The following EP400 variants were observed in gnomAD, a reference collection of about 807,000 sequenced individuals.
EP400 encodes the protein E1A-binding protein p400.
A neutral mutation model predicts 354.1 loss-of-function variants in EP400; 105 were observed. The observed-to-expected ratio is 0.30, with a 90% CI of 0.25 to 0.35. The LOEUF is 0.35. Among genes scored for constraint, EP400 ranks in the 10% least tolerant of loss-of-function variants. The pLI, the probability that EP400 is intolerant of heterozygous loss-of-function variation, is 1.00. For synonymous variants in EP400, 1,646 were observed against 1,716.9 expected (o/e 0.96, Z 1.02); for missense variants, 3,280 against 4,121.0 (o/e 0.80, Z 5.59).
At chr12:131,974,050 C>A (rs1892385882) in intron 2 of EP400, among the ~76,000 whole-genome samples, 1 of 150,358 alleles carries the variant, frequency 6.7e-6, no homozygotes, top group African/African-American at 2.5e-5. Context: ...ACGATCTCAG[C>A]TCACCACAAC....
In EP400 at chr12:131,994,938, T is replaced by G. The variant is rs758337723; in HGVS notation, c.2809T>G (p.Ser937Ala). Reference sequence around the variant, plus strand: ...CGTTGTGGACCACCAAACAGAACTTTCTAATTTAGCCAAGGAAGGTAGGCT... The same window carrying G: ...CGTTGTGGACCACCAAACAGAACTTGCTAATTTAGCCAAGGAAGGTAGGCT... ...EGVVDHQTEL[S>A]NLAKEAELPL... The change falls in exon 12 of 53, where the codon TCT becomes GCT. Residue 937 changes from serine to alanine, a missense_variant. Physicochemically the swap from Ser to Ala is moderately conservative, Grantham distance 99 (BLOSUM62 1). Coordinates refer to ENST00000389561, the MANE Select transcript of EP400 (RefSeq NM_015409.5). The surrounding 1 kb of genome is among the most constrained non-coding windows in gnomAD (Gnocchi z 4.6). 6.2e-7 allele frequency: 1 copy of G among 1,614,032 alleles called. No individual in the cohort carries two copies. Among genetic ancestry groups the G allele is most frequent in the Admixed American group, 1.7e-5 (1 of 60,020 alleles).
rs773770259 is a variant in EP400 at position 132,055,121 on chromosome 12, C to T, written c.7797C>T (p.Ile2599=). The T allele has an allele frequency of 5.6e-6, 9 of 1,613,160 alleles. No homozygotes were observed. Among genetic ancestry groups the T allele is most frequent in the African/African-American group, 2.7e-5 (2 of 74,812 alleles). ...CAGGTGCCGTGAGTGGAAATGTGATCGTGAACACCATCGCAGGGGTCCCAG... is the reference window on the plus strand; with the variant it reads ...CAGGTGCCGTGAGTGGAAATGTGATTGTGAACACCATCGCAGGGGTCCCAG... The part of the protein sequence containing the change: ...MPTGAVSGNV[I]VNTIAGVPAA... The change falls in exon 45 of 53, where the codon ATC becomes ATT. Residue 2599 remains isoleucine (I), a synonymous_variant. Coordinates refer to ENST00000389561, the MANE Select transcript of EP400 (RefSeq NM_015409.5).
At chr12:132,020,283 C>CT in intron 22 of EP400, 65 bp downstream of exon 22, 1 of 1,490,084 alleles carries the variant, frequency 6.7e-7, no homozygotes, top group African/African-American at 1.4e-5. Flanking sequence ...GTTCATGGCA[C>CT]TTTCTTCTCG....
At chr12:132,048,819 G>T (rs1326232408) in intron 39 of EP400, among the ~76,000 whole-genome samples, 2 of 152,136 alleles carry the variant, frequency 1.3e-5, no homozygotes, top group East Asian at 1.9e-4. Flanking sequence ...CAAAGTGTTG[G>T]GATTACAGGC....
chr12:131,958,284 C>T (rs1046848853), intron 1 of EP400, among the ~76,000 whole-genome samples: 1 of 152,092 alleles, frequency 6.6e-6, no homozygotes, highest in Non-Finnish European at 1.5e-5. Context: ...GGGCTCTCTG[C>T]CGGGTGGTGG....
chr12:132,021,599 C>T (rs1231850097), intron 23 of EP400, among the ~76,000 whole-genome samples: 1 of 152,246 alleles, frequency 6.6e-6, no homozygotes, highest in Non-Finnish European at 1.5e-5. Flanking sequence ...TGCTTTGGTG[C>T]TGTGGACGGC....
rs967119097 is a variant in EP400 at position 132,054,094 on chromosome 12, C to T, written c.7728+497C>T. 2.6e-5 allele frequency among the ~76,000 whole-genome samples: 4 copies of T among 152,154 alleles called. No individual in the cohort carries two copies. The highest frequency in any genetic ancestry group is 5.9e-5 in the Non-Finnish European group (4 of 68,024). Reference sequence around the variant, plus strand: ...AAAAGAAAGGCAGGGTGCGGAGCTGCGGACTGTGGCCATGCACACCACGCT... The same window carrying T: ...AAAAGAAAGGCAGGGTGCGGAGCTGTGGACTGTGGCCATGCACACCACGCT... On this transcript the variant is annotated intron_variant, in intron 43 of 52. Transcript: ENST00000389561. The surrounding 1 kb of genome is among the most constrained non-coding windows in gnomAD (Gnocchi z 4.0).
At chr12:132,007,009 T>C (rs895152654) in intron 15 of EP400, 132 bp downstream of exon 15, 4 of 939,324 alleles carry the variant, frequency 4.3e-6, no homozygotes, top group East Asian at 5.4e-5. Flanking sequence ...CCTGAGCAAA[T>C]TGAGGCTCAG....
At position 132,079,546 on chromosome 12, in the gene EP400, C is replaced by G. The variant is rs1163855622; in HGVS notation, c.*1873C>G. On this transcript the variant is annotated 3_prime_UTR_variant, in exon 53 of 53. Transcript: ENST00000389561. ...CCCTGTTCATTTTTTTTGTCTTTCC[C>G]AAATCTTGGTAGTCTCCTTATAGTT... 1 of 152,186 alleles carries G rather than the reference C, an allele frequency of 6.6e-6. No individual in the cohort carries two copies. The highest frequency in any genetic ancestry group is 1.9e-4 in the East Asian group (1 of 5,202). The allele number at this position is 152,186 out of a possible 1,614,324, so 9.4% of individuals were successfully genotyped here.
chr12:132,016,685 G>A (rs1893945729), intron 19 of EP400, among the ~76,000 whole-genome samples: 1 of 152,150 alleles, frequency 6.6e-6, no homozygotes, highest in African/African-American at 2.4e-5. Flanking sequence ...GTTGGGTTCT[G>A]TGGTGCGTAC....
intron 30 of EP400, among the ~76,000 whole-genome samples, chr12:132,033,392 G>C (rs765551926): frequency 1.3e-5 from 2 of 152,124 alleles, no homozygotes; most frequent in Admixed American, 6.5e-5. Context: ...TTTTATGCCT[G>C]GTTGTGTGCC....
chr12:131,992,012 C>T (rs939643977), intron 10 of EP400, among the ~76,000 whole-genome samples, 161 bp from the exon 11 acceptor site: 9 of 152,194 alleles, frequency 5.9e-5, no homozygotes, highest in East Asian at 3.9e-4. Context: ...ATCATGTCCT[C>T]GCTCCCCCGC....
intron 23 of EP400, 49 bp downstream of exon 23, chr12:132,021,370 G>A: frequency 6.8e-7 from 1 of 1,462,362 alleles, no homozygotes. Flanking sequence ...TACCCCAGAG[G>A]AGTTGTGTTA....
At position 132,020,119 on chromosome 12, in the gene EP400, C is replaced by T; in HGVS notation, c.4348C>T (p.Pro1450Ser). ...CGTGGCTTTCCCCAGCACTCACCCG[C>T]CCCGGACGGCAGCCCCCACCACGGC... ...RTVAFPSTHP[P>S]RTAAPTTASA... Residue 1450 changes from proline (P) to serine (S), a missense_variant, in exon 22 of 53, where the codon CCC (proline) becomes TCC (serine). Pro to Ser is a moderately conservative substitution (Grantham distance 74). Transcript: ENST00000389561. 6.2e-7 allele frequency: 1 copy of T among 1,611,232 alleles called. No homozygotes were observed. Among genetic ancestry groups the T allele is most frequent in the Non-Finnish European group, 8.5e-7 (1 of 1,178,920 alleles).
At chr12:132,073,919 GTTTTTTTTTTTTTTTTT>G (rs34186152) in intron 51 of EP400, among the ~76,000 whole-genome samples, 33 of 82,124 alleles carry the variant, frequency 4.0e-4, no homozygotes, top group Admixed American at 2.7e-4. Flanking sequence ...GTTTTTTGGG[GTTTTTTTTTTTTTTTTT>G]TTTTTTTTTT....
intron 2 of EP400, among the ~76,000 whole-genome samples, chr12:131,976,029 T>A (rs1398710462): frequency 1.3e-5 from 2 of 152,216 alleles, no homozygotes; most frequent in Admixed American, 1.3e-4. Flanking sequence ...ACACTGATGT[T>A]ACGCCTATCC....
rs768747214 is a variant in EP400 at position 132,066,830 on chromosome 12, C to G, written c.8610C>G (p.Pro2870=). ...AAGGGCAGATGCAGACCCAGGCACC[C>G]CAGCCAGCCCAGGTGGCCTTGGCGA... ...QAQGQMQTQA[P]QPAQVALAKP... The change falls in exon 49 of 53, where the codon CCC becomes CCG. Residue 2870 remains proline (P), a synonymous_variant. Coordinates refer to ENST00000389561, the MANE Select transcript of EP400 (RefSeq NM_015409.5). 1.2e-5 allele frequency: 19 copies of G among 1,613,902 alleles called. No individual in the cohort carries two copies. The highest frequency in any genetic ancestry group is 1.6e-5 in the Non-Finnish European group (19 of 1,179,976).
Position 132,044,264 on chromosome 12 carries a change from G to A in EP400, c.6538G>A (p.Glu2180Lys), listed in dbSNP as rs1234659324. ...GGAGGCCCGGCTGCGGCTGGAGCAG[G>A]AGGAGGCGGAGCTCCTGACCTACAC... is the stretch of plus-strand genomic sequence containing the variant. ...EREARLRLEQ[E>K]EAELLTYTRE... The change falls in exon 35 of 53, where the codon GAG becomes AAG. Residue 2180 changes from glutamate to lysine, a missense_variant. Physicochemically the swap from Glu to Lys is moderately conservative, Grantham distance 56 (BLOSUM62 1). Around this residue, in one of 20 missense-constraint regions of EP400, gnomAD observed 231 missense variants for 257.9 expected, o/e 0.90. Coordinates refer to ENST00000389561, the MANE Select transcript of EP400 (RefSeq NM_015409.5). The A allele has an allele frequency of 9.9e-6, 16 of 1,614,124 alleles. No individual in the cohort carries two copies. The highest frequency in any genetic ancestry group is 1.4e-5 in the Non-Finnish European group (16 of 1,180,036).
intron 5 of EP400, among the ~76,000 whole-genome samples, chr12:131,985,438 G>A (rs751682017): frequency 1.3e-5 from 2 of 151,990 alleles, no homozygotes; most frequent in Admixed American, 6.5e-5. Context: ...TGGGACGGGC[G>A]CTCAGAGAGA....
Sources: gnomAD v4.1 joint callset for allele counts (sites outside exome capture counted in the v4.1 genomes callset) on GRCh38, gnomAD v4.1.1 for gene constraint, gnomAD v4.1.1 regional missense constraint, Gnocchi (gnomAD v3.1) non-coding constraint, MANE v1.5 for transcripts, NCBI Gene and HGNC (gene_info 2026-07-23, HGNC 2026-07-21) for gene names.